The following MARCHF1 variants were observed in gnomAD, a reference collection of about 807,000 sequenced individuals.
The protein encoded by MARCHF1 is membrane associated ring-CH-type finger 1.
MARCHF1 carries 40 observed loss-of-function variants against 54.2 expected under a neutral mutation model. The observed-to-expected ratio is 0.74, with a 90% confidence interval of 0.57 to 0.96. The LOEUF is 0.96. MARCHF1 is among the 40% of genes least tolerant of loss of function. The pLI is 0.00. For synonymous variants in MARCHF1, 236 were observed against 236.3 expected (o/e 1.00, Z 0.01); for missense variants, 586 against 656.5 (o/e 0.89, Z 1.17).
At chr4:163,747,694 A>T (rs1336723046) in intron 4 of MARCHF1, among the ~76,000 whole-genome samples, 1 of 152,212 alleles carries the variant, frequency 6.6e-6, no homozygotes, top group Non-Finnish European at 1.5e-5. Flanking sequence ...AAATTTAAAA[A>T]CTCACATAAC....
intron 3 of MARCHF1, among the ~76,000 whole-genome samples, chr4:163,970,969 C>A (rs1752536131): frequency 6.6e-6 from 1 of 152,114 alleles, no homozygotes; most frequent in Non-Finnish European, 1.5e-5. Flanking sequence ...CACAATACCC[C>A]CGGTAATTTC....
chr4:164,102,878 T>C (rs1284896056), intron 2 of MARCHF1, among the ~76,000 whole-genome samples: 3 of 87,716 alleles, frequency 3.4e-5, no homozygotes, highest in African/African-American at 5.7e-5. Flanking sequence ...CCATCTCACG[T>C]GCGGAGACAC....
At chr4:164,242,641 G>C (rs1460912051) in intron 1 of MARCHF1, among the ~76,000 whole-genome samples, 1 of 151,542 alleles carries the variant, frequency 6.6e-6, no homozygotes, top group East Asian at 1.9e-4. Context: ...TGACTTTGAT[G>C]AGCTGTGAGA....
intron 3 of MARCHF1, among the ~76,000 whole-genome samples, chr4:163,946,398 T>C (rs2110768027): frequency 6.6e-6 from 1 of 152,246 alleles, no homozygotes; most frequent in South Asian, 2.1e-4. Context: ...CTATCATCTC[T>C]CTATAGTCCT....
At chr4:164,362,864 A>G (rs576621253) in intron 1 of MARCHF1, among the ~76,000 whole-genome samples, 16 of 152,188 alleles carry the variant, frequency 1.1e-4, no homozygotes, top group African/African-American at 2.9e-4. Flanking sequence ...ATCCTCCTAA[A>G]CTGCCTTATT....
At chr4:164,343,883 C>G (rs1289742966) in intron 1 of MARCHF1, among the ~76,000 whole-genome samples, 1 of 152,080 alleles carries the variant, frequency 6.6e-6, no homozygotes, top group African/African-American at 2.4e-5. Flanking sequence ...GGTATATACT[C>G]AAAGGAATAT....
At chr4:163,599,896 A>G (rs1186710654) in intron 7 of MARCHF1, among the ~76,000 whole-genome samples, 10 of 152,186 alleles carry the variant, frequency 6.6e-5, no homozygotes, top group Admixed American at 3.9e-4. Flanking sequence ...TTCCATACCA[A>G]TGAGAAATTT....
chr4:163,545,270 C>T (rs182691514), intron 9 of MARCHF1, among the ~76,000 whole-genome samples: 7 of 152,142 alleles, frequency 4.6e-5, no homozygotes, highest in Non-Finnish European at 8.8e-5. Context: ...TTTTTACAGC[C>T]ATTTGCCTTT....
At chr4:163,773,914 A>G (rs1747231022) in intron 4 of MARCHF1, among the ~76,000 whole-genome samples, 1 of 152,210 alleles carries the variant, frequency 6.6e-6, no homozygotes, top group South Asian at 2.1e-4. Context: ...GTGCCATTCA[A>G]GCCAAATAAA....
intron 5 of MARCHF1, among the ~76,000 whole-genome samples, chr4:163,616,408 A>T (rs939702139): frequency 6.6e-6 from 1 of 152,154 alleles, no homozygotes; most frequent in Non-Finnish European, 1.5e-5. Flanking sequence ...GCTTAACAGC[A>T]GTAATAAGAA....
At chr4:163,628,485 T>C (rs1912825) in intron 5 of MARCHF1, among the ~76,000 whole-genome samples, 96,760 of 152,128 alleles carry the variant, frequency 0.64, 32,651 homozygotes, top group African/African-American at 0.87. Context: ...TGAAAACTGG[T>C]ACAAGACAAG....
chr4:163,903,645 G>T lies in MARCHF1; in HGVS notation c.-38-49476C>A, dbSNP rs144009545. Among the ~76,000 whole-genome samples the T allele has an allele frequency of 3.5e-3, 531 of 149,898 alleles. 5 individuals carry two copies. Among genetic ancestry groups the T allele is most frequent in the African/African-American group, 0.012 (494 of 40,678 alleles). ...TTTTTTTTGAGACAGAATTTCACCC[G>T]TGTCGCCCAGACTGGAGTGCAATGG... On this transcript the variant is annotated intron_variant, in intron 3 of 9. Transcript: ENST00000514618.
At position 163,745,589 on chromosome 4, in the gene MARCHF1, G is replaced by A. The variant is rs554814127; in HGVS notation, c.112-44726C>T. ...AAGCAGTTCTCAAATAGCTCAATAT[G>A]GATCCCTCTTATCTCCTCACCTTTT... is the stretch of plus-strand genomic sequence containing the variant. On this transcript the variant is annotated intron_variant, in intron 4 of 9. Coordinates refer to ENST00000514618, the MANE Select transcript of MARCHF1 (RefSeq NM_001394959.1). 3.9e-5 allele frequency among the ~76,000 whole-genome samples: 6 copies of A among 152,216 alleles called. No individual in the cohort carries two copies. In the East Asian group the frequency reaches 9.6e-4, roughly 24 times the overall value.
chr4:163,946,843 T>C (rs1446838895), intron 3 of MARCHF1, among the ~76,000 whole-genome samples: 4 of 152,238 alleles, frequency 2.6e-5, no homozygotes, highest in Non-Finnish European at 5.9e-5. Flanking sequence ...TGGACTTGCA[T>C]TATTTATAAA....
chr4:163,927,421 GCAAA>G (rs762194083), intron 3 of MARCHF1, among the ~76,000 whole-genome samples: 5 of 151,788 alleles, frequency 3.3e-5, no homozygotes, highest in Admixed American at 6.6e-5. Flanking sequence ...ATTATATTCA[GCAAA>G]CAAACACTTT....
At chr4:164,227,781 A>G (rs921182692) in intron 1 of MARCHF1, among the ~76,000 whole-genome samples, 2 of 152,174 alleles carry the variant, frequency 1.3e-5, no homozygotes, top group African/African-American at 4.8e-5. Context: ...CAAAGGTCTG[A>G]GAAGAAGAGA....
intron 1 of MARCHF1, among the ~76,000 whole-genome samples, chr4:164,350,960 G>A (rs964503879): frequency 5.1e-4 from 78 of 152,076 alleles, no homozygotes; most frequent in African/African-American, 1.7e-3. Flanking sequence ...GGAAGCGCAA[G>A]GGGTCAGGGA....
intron 4 of MARCHF1, among the ~76,000 whole-genome samples, chr4:163,850,202 G>A (rs1438385494): frequency 6.6e-6 from 1 of 152,156 alleles, no homozygotes; most frequent in African/African-American, 2.4e-5. Flanking sequence ...CACCCCAGAT[G>A]TATAAAAATA....
At chr4:163,897,728 A>C (rs1750842304) in intron 3 of MARCHF1, among the ~76,000 whole-genome samples, 1 of 152,250 alleles carries the variant, frequency 6.6e-6, no homozygotes, top group East Asian at 1.9e-4. Context: ...CTCAAGATGG[A>C]TTAAAGATTT....
Sources: allele counts gnomAD v4.1 joint callset (sites outside exome capture counted in the v4.1 genomes callset), GRCh38; gene constraint gnomAD v4.1.1; transcripts MANE v1.5; gene names NCBI Gene and HGNC (gene_info 2026-07-23, HGNC 2026-07-21).